Variants in CETN3 observed in about 807,000 individuals in gnomAD.
CETN3 encodes centrin-3.
Under a neutral mutation model 20.1 loss-of-function variants are expected in CETN3, and 17 were observed. The observed-to-expected ratio is 0.85, with a 90% CI of 0.58 to 1.27. The LOEUF is 1.27. CETN3 is among the 50% of genes most tolerant of loss of function. The pLI, the probability that CETN3 is intolerant of heterozygous loss-of-function variation, is 0.00. For missense variants in CETN3, 169 were observed against 191.2 expected (o/e 0.88, Z 0.69); for synonymous variants, 52 against 59.7 (o/e 0.87, Z 0.59).
At chr5:90,399,622 A>C in intron 3 of CETN3, 73 bp from the exon 4 acceptor site, 1 of 1,179,436 alleles carries the variant, frequency 8.5e-7, no homozygotes, top group Non-Finnish European at 1.2e-6. Context: ...AAATCAACTA[A>C]ATATTAGATG....
chr5:90,394,150 TTTA>T, intron 4 of CETN3, 43 bp from the exon 5 acceptor site: 1 of 1,367,442 alleles, frequency 7.3e-7, no homozygotes, highest in Non-Finnish European at 1.0e-6. Flanking sequence ...ATATAAACAT[TTTA>T]TTTTTTCAGA....
chr5:90,406,852 AAAAC>A (rs1434860287), intron 2 of CETN3, among the ~76,000 whole-genome samples: 1,793 of 143,036 alleles, frequency 0.013, 79 homozygotes, highest in African/African-American at 0.048. Context: ...AAAAAAAAAA[AAAAC>A]AAAAAAAACA....
chr5:90,396,426 C>A (rs960591459), intron 4 of CETN3: 1 of 1,497,622 alleles, frequency 6.7e-7, no homozygotes. Flanking sequence ...AAGCTATGAT[C>A]CCTCTCTCTT....
At chr5:90,397,463 T>C (rs927299719) in intron 4 of CETN3, among the ~76,000 whole-genome samples, 2 of 152,120 alleles carry the variant, frequency 1.3e-5, no homozygotes, top group African/African-American at 4.8e-5. Flanking sequence ...ACATCAACCA[T>C]TTCATAGAGC....
At chr5:90,404,889 AC>A (rs1159943420) in intron 3 of CETN3, among the ~76,000 whole-genome samples, 5 of 152,122 alleles carry the variant, frequency 3.3e-5, no homozygotes, top group Non-Finnish European at 1.5e-5. Flanking sequence ...AAAGAAATAA[AC>A]CTGAATATTT....
At chr5:90,396,693 T>G in intron 4 of CETN3, 1 of 593,990 alleles carries the variant, frequency 1.7e-6, no homozygotes, top group Non-Finnish European at 2.5e-6. Flanking sequence ...GATCTAGAAC[T>G]TTTTCTTGAT....
Position 90,402,822 on chromosome 5 carries a change from G to A in CETN3, c.268+2863C>T, listed in dbSNP as rs1468872497. 3.3e-5 allele frequency among the ~76,000 whole-genome samples: 5 copies of A among 152,158 alleles called. No individual in the cohort carries two copies. The East Asian group carries it at 9.6e-4, about 29-fold the overall frequency. ...TTACCACATAGTACTATAGCCTGTT[G>A]TCACCTATATTTACATTGTAAACTC... On this transcript the variant is annotated intron_variant, in intron 3 of 4. Transcript: ENST00000283122.
chr5:90,398,890 C>A (rs1225451746), intron 4 of CETN3, among the ~76,000 whole-genome samples: 1 of 152,196 alleles, frequency 6.6e-6, no homozygotes. Context: ...CTGCCTTTTT[C>A]ATTGTGTAGC....
chr5:90,398,977 C>G, intron 4 of CETN3: 1 of 330,158 alleles, frequency 3.0e-6, no homozygotes, highest in African/African-American at 2.1e-5. Flanking sequence ...ACATTCCTAA[C>G]TAGAAATTAG....
At chr5:90,399,079 T>C (rs1184955346) in intron 4 of CETN3, 4 of 550,388 alleles carry the variant, frequency 7.3e-6, no homozygotes, top group Non-Finnish European at 1.3e-5. Flanking sequence ...ACTTAGCATG[T>C]AGGTTGAGGG....
intron 1 of CETN3, among the ~76,000 whole-genome samples, chr5:90,408,762 T>C (rs556929699): frequency 2.1e-5 from 3 of 141,336 alleles, no homozygotes; most frequent in Admixed American, 1.5e-4. Flanking sequence ...AACACCTATC[T>C]AGTTGCATTT....
rs745726598 is a variant in CETN3 at position 90,407,830 on chromosome 5, C to G, written c.22G>C (p.Glu8Gln). 6.3e-7 allele frequency: 1 copy of G among 1,579,860 alleles called. No individual in the cohort carries two copies. Among genetic ancestry groups the G allele is most frequent in the Non-Finnish European group, 8.6e-7 (1 of 1,165,820 alleles). ...CTCTTTGTTTTGTCCACTACAAGCT[C>G]ACTTCTATGAAATGGAAAGAAAAAG... MSLALRS[E>Q]LVVDKTKRKK... The change falls in exon 2 of 5, where the codon GAG becomes CAG. Residue 8 changes from glutamate to glutamine, a missense_variant. Transcript: ENST00000283122.
At chr5:90,409,427 G>C (rs746037738) in intron 1 of CETN3, among the ~76,000 whole-genome samples, 1 of 152,168 alleles carries the variant, frequency 6.6e-6, no homozygotes, top group Non-Finnish European at 1.5e-5. Context: ...CGCGCTGACA[G>C]AAATAACCTC....
intron 2 of CETN3, among the ~76,000 whole-genome samples, chr5:90,406,986 T>C (rs1328953017): frequency 6.6e-6 from 1 of 152,052 alleles, no homozygotes; most frequent in Non-Finnish European, 1.5e-5. Context: ...CTTGGAATTC[T>C]AATGCTTAAA....
rs1479323011 is a variant in CETN3 at position 90,399,371 on chromosome 5, A to T, written c.447T>A (p.Asp149Glu). Residue 149 changes from aspartate to glutamate, a missense_variant, in exon 4 of 5, where the codon GAT (aspartate) becomes GAA (glutamate). Asp to Glu is a conservative substitution (Grantham distance 45, BLOSUM62 2). Transcript: ENST00000283122. ...LRAMIEEFDKDGDGEINQEEF... is the reference protein window; with the variant it reads ...LRAMIEEFDKEGDGEINQEEF... ...CTTAAAACTTACTTTCTCCATCACC[A>T]TCTTTGTCAAATTCTTCTATCATAG... 6.2e-7 allele frequency: 1 copy of T among 1,613,858 alleles called. No homozygotes were observed. The highest frequency in any genetic ancestry group is 8.5e-7 in the Non-Finnish European group (1 of 1,179,926).
chr5:90,393,940 A>G lies in CETN3; in HGVS notation c.*124T>C. 1 of 687,692 alleles carries G rather than the reference A, an allele frequency of 1.5e-6. No individual in the cohort carries two copies. 42.6% of individuals were successfully genotyped at this position (687,692 alleles called of 1,614,324 possible). ...AACAGTAGTAAAATACAGATATATA[A>G]GATGCTTATTTTTGGTCCTTTAGGA... On this transcript the variant is annotated 3_prime_UTR_variant, in exon 5 of 5. Transcript: ENST00000283122.
intron 3 of CETN3, among the ~76,000 whole-genome samples, chr5:90,400,239 C>T (rs1423973468): frequency 6.6e-6 from 1 of 152,102 alleles, no homozygotes; most frequent in Admixed American, 6.5e-5. Context: ...AAAGCTTACC[C>T]ATTTTGTTTG....
chr5:90,404,112 T>C (rs879360878), intron 3 of CETN3, among the ~76,000 whole-genome samples: 3 of 152,178 alleles, frequency 2.0e-5, no homozygotes, highest in Non-Finnish European at 2.9e-5. Flanking sequence ...AAATGCTTAG[T>C]AGCACTTACA....
At chr5:90,397,410 CTT>C (rs576039602) in intron 4 of CETN3, among the ~76,000 whole-genome samples, 2 of 152,060 alleles carry the variant, frequency 1.3e-5, no homozygotes, top group African/African-American at 4.8e-5. Flanking sequence ...AAATATGACA[CTT>C]TGTTTCCTTT....
Sources: allele counts gnomAD v4.1 joint callset (sites outside exome capture counted in the v4.1 genomes callset), GRCh38; gene constraint gnomAD v4.1.1; transcripts MANE v1.5; gene names NCBI Gene and HGNC (gene_info 2026-07-23, HGNC 2026-07-21).